The following CPLANE1 variants were observed in gnomAD, a reference collection of about 807,000 sequenced individuals.
CPLANE1 encodes ciliogenesis and planar polarity effector 1.
A neutral mutation model predicts 362.5 loss-of-function variants in CPLANE1; 263 were observed. The observed-to-expected ratio is 0.73, with a 90% CI of 0.66 to 0.80. The LOEUF is 0.80. Ranked by LOEUF, CPLANE1 falls within the 30% of genes least tolerant of loss-of-function variation. CPLANE1 has a pLI of 0.00. For synonymous variants in CPLANE1, 1,212 were observed against 1,302.6 expected, an observed-to-expected ratio of 0.93 and a Z score of 1.50; for missense variants, 3,461 against 3,793.4, an observed-to-expected ratio of 0.91 and a Z score of 2.30.
At chr5:37,206,166 C>T (rs780870803) in intron 17 of CPLANE1, 31 bp downstream of exon 17, 9 of 1,330,426 alleles carry the variant, frequency 6.8e-6, no homozygotes, top group South Asian at 2.5e-5. Context: ...TTCAATCATA[C>T]TATATCTTAA....
chr5:37,155,795 T>A (rs1455553677), intron 41 of CPLANE1, among the ~76,000 whole-genome samples: 1 of 152,230 alleles, frequency 6.6e-6, no homozygotes, highest in Non-Finnish European at 1.5e-5. Context: ...CCTAACATAC[T>A]CAGGGGTCAC....
At position 37,227,299 on chromosome 5, in the gene CPLANE1, C is replaced by A. The variant is rs372187548; in HGVS notation, c.1465G>T (p.Val489Phe). The A allele has an allele frequency of 1.9e-5, 29 of 1,552,110 alleles. No homozygotes were observed. Among genetic ancestry groups the A allele is most frequent in the East Asian group, 9.8e-5 (4 of 40,886 alleles). The change falls in exon 11 of 53, where the codon GTC becomes TTC. Residue 489 changes from valine to phenylalanine, a missense_variant. By Grantham distance (50) the Val-to-Phe change is conservative. Transcript: ENST00000651892. ...QGNESSADFT[V>F]PKFLQAEETI... ...TCTTCTGCCTGCAAGAATTTGGGGA[C>A]AGTGAAATCGGCTGAACTTTCATTT...
chr5:37,136,946 G>A (rs1481873140), intron 46 of CPLANE1, among the ~76,000 whole-genome samples: 1 of 152,160 alleles, frequency 6.6e-6, no homozygotes, highest in African/African-American at 2.4e-5. Flanking sequence ...TGATGGGAGG[G>A]ACTGCCATGA....
At chr5:37,210,995 G>A (rs1432109651) in intron 16 of CPLANE1, 8 of 787,908 alleles carry the variant, frequency 1.0e-5, no homozygotes, top group East Asian at 4.9e-5. Context: ...ATTTAAAATC[G>A]CAATTGAAGC....
Position 37,245,469 on chromosome 5 carries a change from A to C in CPLANE1, c.337+10T>G. 1 of 1,434,666 alleles carries C rather than the reference A, an allele frequency of 7.0e-7. No individual in the cohort carries two copies. The highest frequency in any genetic ancestry group is 9.2e-7 in the Non-Finnish European group (1 of 1,089,104). The allele number at this position is 1,434,666 out of a possible 1,614,324, so 88.9% of individuals were successfully genotyped here. On this transcript the variant is annotated intron_variant, in intron 4 of 52. Coordinates refer to ENST00000651892, the MANE Select transcript of CPLANE1 (RefSeq NM_001384732.1). ...GTTAAACCAACTTAAACAAATAAAA[A>C]AATTCCCACCGACTGTAGCTTTGAT...
chr5:37,164,355 A>G (rs1334294039), intron 36 of CPLANE1, 28 bp from the exon 37 acceptor site: 1 of 1,561,066 alleles, frequency 6.4e-7, no homozygotes, highest in African/African-American at 1.4e-5. Context: ...GGATTACTCT[A>G]TGATTAACTC....
intron 19 of CPLANE1, among the ~76,000 whole-genome samples, chr5:37,200,732 T>A (rs1219262589): frequency 6.6e-6 from 1 of 152,130 alleles, no homozygotes; most frequent in Non-Finnish European, 1.5e-5. Context: ...ATAAAAAGTT[T>A]CTGAGAGGAA....
chr5:37,211,324 G>A (rs185132413), intron 16 of CPLANE1: 38 of 1,505,368 alleles, frequency 2.5e-5, no homozygotes, highest in East Asian at 2.0e-4. Flanking sequence ...AGTTACCATC[G>A]GAGAGACATT....
chr5:37,121,588 G>A, intron 49 of CPLANE1, 29 bp downstream of exon 49: 1 of 1,607,412 alleles, frequency 6.2e-7, no homozygotes. Flanking sequence ...ACGTTATCTT[G>A]CCAAATGGCA....
At chr5:37,170,533 C>G (rs1366032663) in intron 32 of CPLANE1, among the ~76,000 whole-genome samples, 1 of 151,398 alleles carries the variant, frequency 6.6e-6, no homozygotes, top group African/African-American at 2.4e-5. Context: ...TTCCTGTCAA[C>G]CAGGCATATG....
chr5:37,154,459 CTTTTTTTTTT>C (rs35522666), intron 41 of CPLANE1, among the ~76,000 whole-genome samples: 1 of 84,576 alleles, frequency 1.2e-5, no homozygotes, highest in Non-Finnish European at 2.1e-5. Context: ...TGCAATAGTT[CTTTTTTTTTT>C]TTTTTTTTTT....
chr5:37,114,446 A>G (rs1317563469), intron 51 of CPLANE1, among the ~76,000 whole-genome samples: 1 of 152,226 alleles, frequency 6.6e-6, no homozygotes, highest in Non-Finnish European at 1.5e-5. Flanking sequence ...TTAAGAATAC[A>G]TAAATGGGTT....
In CPLANE1 at chr5:37,165,680, C is replaced by A; in HGVS notation, c.7401-9G>T. On this transcript the variant is annotated splice_polypyrimidine_tract_variant and intron_variant, in intron 35 of 52. Coordinates refer to ENST00000651892, the MANE Select transcript of CPLANE1 (RefSeq NM_001384732.1). ...CAGCTCTTCTTCTTTGCCTGTTAAA[C>A]ATAATAGCATAAAACATACTTTTAC... 1 of 1,596,182 alleles carries A rather than the reference C, an allele frequency of 6.3e-7. No homozygotes were observed. Among genetic ancestry groups the A allele is most frequent in the Non-Finnish European group, 8.5e-7 (1 of 1,175,714 alleles).
rs1329225631 is a variant in CPLANE1, at chr5:37,247,709, C to T, written c.-11G>A. The T allele has an allele frequency of 6.5e-7, 1 of 1,541,180 alleles. No homozygotes were observed. Among genetic ancestry groups the T allele is most frequent in the East Asian group, 2.5e-5 (1 of 40,808 alleles). ...TAATCTTATCTCCATGTTTGTTAAG[C>T]TATCAATGACCAATTAAGTAAAACA... On this transcript the variant is annotated 5_prime_UTR_variant, in exon 2 of 53. Transcript: ENST00000651892.
chr5:37,243,718 T>C (rs911390014), intron 5 of CPLANE1, among the ~76,000 whole-genome samples: 3 of 146,862 alleles, frequency 2.0e-5, no homozygotes, highest in Non-Finnish European at 3.0e-5. Flanking sequence ...TAATATATAA[T>C]ATACATGTAT....
At chr5:37,099,374 A>G in the CPLANE1 span, among the ~76,000 whole-genome samples, 1 of 152,124 alleles carries the variant, frequency 6.6e-6, no homozygotes, top group Non-Finnish European at 1.5e-5. Context: ...GCTCCTACTT[A>G]TAAGTGAGAA....
chr5:37,172,286 T>A (rs1043599456), intron 32 of CPLANE1, among the ~76,000 whole-genome samples: 5 of 152,102 alleles, frequency 3.3e-5, no homozygotes, highest in Admixed American at 6.5e-5. Context: ...AGAACAAAAC[T>A]AAGAATCTAA....
Position 37,186,298 on chromosome 5 carries a change from A to G in CPLANE1, c.4177T>C (p.Cys1393Arg). The change falls in exon 24 of 53, where the codon TGT becomes CGT. Residue 1393 changes from cysteine to arginine, a missense_variant. By Grantham distance (180) the Cys-to-Arg change is radical. Coordinates refer to ENST00000651892, the MANE Select transcript of CPLANE1 (RefSeq NM_001384732.1). ...YHSLHQRLRH[C>R]VVKGPQTEEM... ...CAACAAATAATACCTTTCACAACAC[A>G]GTGTCTGAGTCTCTGGTGAAGAGAG... 6.7e-7 allele frequency: 1 copy of G among 1,498,106 alleles called. No individual in the cohort carries two copies. Among genetic ancestry groups the G allele is most frequent in the Non-Finnish European group, 9.3e-7 (1 of 1,075,634 alleles). The allele number at this position is 1,498,106 out of a possible 1,614,324, so 92.8% of individuals were successfully genotyped here. A position where few individuals can be genotyped will look rare whatever the true frequency, so the allele number is the denominator to read the frequency against.
At chr5:37,241,848 T>C (rs1372696481) in intron 6 of CPLANE1, among the ~76,000 whole-genome samples, 2 of 152,066 alleles carry the variant, frequency 1.3e-5, no homozygotes, top group Non-Finnish European at 1.5e-5. Context: ...CAGGCTGGTC[T>C]TGAACTCCTG....
Sources: allele counts gnomAD v4.1 joint callset (sites outside exome capture counted in the v4.1 genomes callset), GRCh38; gene constraint gnomAD v4.1.1; transcripts MANE v1.5; gene names NCBI Gene and HGNC (gene_info 2026-07-23, HGNC 2026-07-21).